The following SOCS5 variants were observed in gnomAD, a reference collection of about 807,000 sequenced individuals.
SOCS5 encodes the protein suppressor of cytokine signaling 5.
Under a neutral mutation model 42.8 loss-of-function variants are expected in SOCS5, and 32 were observed. The observed-to-expected ratio is 0.75, with a 90% CI of 0.56 to 1.01. The LOEUF (loss-of-function observed/expected upper bound fraction) is 1.01. Ranked by LOEUF, SOCS5 falls within the 50% of genes least tolerant of loss-of-function variation. SOCS5 has a pLI of 0.00. For synonymous variants in SOCS5, 283 were observed against 229.6 expected (o/e 1.23, Z -2.10); for missense variants, 627 against 653.0 (o/e 0.96, Z 0.43).
At position 46,758,537 on chromosome 2, in the gene SOCS5, A is replaced by G. The variant is rs1237983049; in HGVS notation, c.7A>G (p.Lys3Glu). MD[K>E]VGKMWNNFKY... ...TCTTTAGATTTTATAATCAATGGATAAAGTGGGAAAAATGTGGAATAACTT... is the reference window on the plus strand; with the variant it reads ...TCTTTAGATTTTATAATCAATGGATGAAGTGGGAAAAATGTGGAATAACTT... The change falls in exon 2 of 2, where the codon AAA becomes GAA. Residue 3 changes from lysine to glutamate, a missense_variant. Physicochemically the swap from Lys to Glu is moderately conservative, Grantham distance 56. Around this residue, in one of 3 missense-constraint regions of SOCS5, gnomAD observed 278 missense variants for 246.3 expected, o/e 1.13. Coordinates refer to ENST00000394861, the MANE Select transcript of SOCS5 (RefSeq NM_144949.3). 6.3e-7 allele frequency: 1 copy of G among 1,584,350 alleles called. No homozygotes were observed. Among genetic ancestry groups the G allele is most frequent in the Non-Finnish European group, 8.6e-7 (1 of 1,168,900 alleles).
chr2:46,742,471 T>C (rs1287912722), intron 1 of SOCS5, among the ~76,000 whole-genome samples: 1 of 152,138 alleles, frequency 6.6e-6, no homozygotes, highest in Non-Finnish European at 1.5e-5. Flanking sequence ...TCATGTCGTT[T>C]CCATATGTCA....
intron 1 of SOCS5, among the ~76,000 whole-genome samples, chr2:46,740,981 T>C (rs1172378125): frequency 6.6e-6 from 1 of 152,140 alleles, no homozygotes; most frequent in Non-Finnish European, 1.5e-5. Context: ...ATTAGTGATA[T>C]TACTTACCAC....
intron 1 of SOCS5, among the ~76,000 whole-genome samples, chr2:46,743,016 C>G (rs1035869646): frequency 3.9e-5 from 6 of 152,092 alleles, no homozygotes; most frequent in Admixed American, 2.0e-4. Flanking sequence ...CGATGAAATT[C>G]TTACCCATTC....
chr2:46,758,347 TC>T (rs1219983255), intron 1 of SOCS5, among the ~76,000 whole-genome samples, 171 bp from the exon 2 acceptor site: 2 of 152,316 alleles, frequency 1.3e-5, no homozygotes, highest in East Asian at 3.9e-4. Flanking sequence ...CCGGTGGCCT[TC>T]CTGCTGCCCA....
rs1035021876 is a variant in SOCS5 at position 46,761,491 on chromosome 2, A to G, written c.*1350A>G. The G allele has an allele frequency of 6.0e-6, 1 of 167,108 alleles. No individual in the cohort carries two copies. The highest frequency in any genetic ancestry group is 2.4e-5 in the African/African-American group (1 of 41,468). 10.4% of individuals were successfully genotyped at this position (167,108 alleles called of 1,614,324 possible). On this transcript the variant is annotated 3_prime_UTR_variant, in exon 2 of 2. Coordinates refer to ENST00000394861, the MANE Select transcript of SOCS5 (RefSeq NM_144949.3). Reference sequence around the variant, plus strand: ...CCTATGGCTATTGCCAAGGCTACAAAAAAGGAAAGCTATATTTGTATGCAA... The same window carrying G: ...CCTATGGCTATTGCCAAGGCTACAAGAAAGGAAAGCTATATTTGTATGCAA...
At chr2:46,745,666 T>G (rs1266438235) in intron 1 of SOCS5, among the ~76,000 whole-genome samples, 2 of 152,298 alleles carry the variant, frequency 1.3e-5, no homozygotes, top group South Asian at 4.1e-4. Context: ...TTGAGTTGCT[T>G]GTAGAGGAAG....
At chr2:46,714,700 C>T (rs891000101) in intron 1 of SOCS5, among the ~76,000 whole-genome samples, 1 of 152,170 alleles carries the variant, frequency 6.6e-6, no homozygotes, top group Non-Finnish European at 1.5e-5. Context: ...GCCATGCCCC[C>T]ATGCCAACCA....
rs759203329 is a variant in SOCS5 at position 46,727,144 on chromosome 2, C to CTTTTTTTTT, written c.-13+27709_-13+27717dup. On this transcript the variant is annotated intron_variant, in intron 1 of 1. Transcript: ENST00000394861. ...GAGTGTTTTCCCTTGTTGGAGCCTT[C>CTTTTTTTTT]TTTTTTTTTTTTTTTTTTTTTTGAA... 2.0e-3 allele frequency among the ~76,000 whole-genome samples: 176 copies of CTTTTTTTTT among 86,412 alleles called. 1 individual carries two copies. The highest frequency in any genetic ancestry group is 6.9e-3 in the African/African-American group (149 of 21,532). 56.7% of individuals were successfully genotyped at this position (86,412 alleles called of 152,430 possible).
intron 1 of SOCS5, among the ~76,000 whole-genome samples, chr2:46,719,206 A>T (rs1672824723): frequency 6.6e-6 from 1 of 152,198 alleles, no homozygotes. Flanking sequence ...TTCACAATAT[A>T]GTGAATGATA....
Position 46,759,756 on chromosome 2 carries a change from C to T in SOCS5, c.1226C>T (p.Ala409Val), listed in dbSNP as rs371477717. ...PEGTFLLRDS[A>V]QEDYLFSVSF... is the part of the protein sequence containing the mutation. ...GGCACGTTTTTGCTCAGGGACTCTGCGCAAGAGGACTACCTCTTCTCTGTG... is the reference window on the plus strand; with the variant it reads ...GGCACGTTTTTGCTCAGGGACTCTGTGCAAGAGGACTACCTCTTCTCTGTG... The change falls in exon 2 of 2, where the codon GCG becomes GTG. Residue 409 changes from alanine to valine, a missense_variant. By Grantham distance (64) the Ala-to-Val change is moderately conservative. Coordinates refer to ENST00000394861, the MANE Select transcript of SOCS5 (RefSeq NM_144949.3). 6 of 1,613,986 alleles carry T rather than the reference C, an allele frequency of 3.7e-6. No homozygotes were observed. Among genetic ancestry groups the T allele is most frequent in the South Asian group, 1.1e-5 (1 of 91,080 alleles).
At chr2:46,743,642 A>G (rs1184117628) in intron 1 of SOCS5, among the ~76,000 whole-genome samples, 5 of 152,182 alleles carry the variant, frequency 3.3e-5, no homozygotes, top group Non-Finnish European at 7.3e-5. Context: ...ATTTAGGAAT[A>G]CAGCCCAGTA....
chr2:46,721,022 T>C (rs183351076), intron 1 of SOCS5, among the ~76,000 whole-genome samples: 3 of 152,228 alleles, frequency 2.0e-5, no homozygotes, highest in East Asian at 3.9e-4. Flanking sequence ...AAATCAGAGG[T>C]GAATGAACAA....
intron 1 of SOCS5, among the ~76,000 whole-genome samples, chr2:46,739,181 T>C (rs1673315553): frequency 6.6e-6 from 1 of 152,164 alleles, no homozygotes; most frequent in South Asian, 2.1e-4. Context: ...TAGCAAAACA[T>C]ACATAACCAT....
At chr2:46,752,906 C>T (rs1572847438) in intron 1 of SOCS5, among the ~76,000 whole-genome samples, 1 of 152,204 alleles carries the variant, frequency 6.6e-6, no homozygotes, top group Admixed American at 6.5e-5. Context: ...CCTCATTTCC[C>T]ATTTTCAATT....
rs1391740734 is a variant in SOCS5, at chr2:46,761,885, A to G, written c.*1744A>G. The stretch of plus-strand genomic sequence containing the variant: ...AAACTGACAGAGAAGTAATAAACCT[A>G]TTGATTTCTCTGCTTATAAATGAAA... On this transcript the variant is annotated 3_prime_UTR_variant, in exon 2 of 2. Coordinates refer to ENST00000394861, the MANE Select transcript of SOCS5 (RefSeq NM_144949.3). 4.2e-5 allele frequency: 7 copies of G among 166,978 alleles called. No individual in the cohort carries two copies. Among genetic ancestry groups the G allele is most frequent in the Non-Finnish European group, 5.9e-5 (4 of 68,088 alleles). 10.3% of individuals were successfully genotyped at this position (166,978 alleles called of 1,614,324 possible).
At chr2:46,749,642 T>C (rs1319112801) in intron 1 of SOCS5, among the ~76,000 whole-genome samples, 1 of 152,336 alleles carries the variant, frequency 6.6e-6, no homozygotes, top group African/African-American at 2.4e-5. Flanking sequence ...GGTAGTGTTT[T>C]ATAGACTAAA....
chr2:46,700,747 TG>T (rs1463861198), intron 1 of SOCS5, among the ~76,000 whole-genome samples: 2 of 152,168 alleles, frequency 1.3e-5, no homozygotes, highest in African/African-American at 4.8e-5. Context: ...ACATAGAAAA[TG>T]CACACCGGGT....
intron 1 of SOCS5, among the ~76,000 whole-genome samples, chr2:46,758,110 A>C (rs1673768890): frequency 6.6e-6 from 1 of 152,270 alleles, no homozygotes; most frequent in South Asian, 2.1e-4. Flanking sequence ...AATGTGTTAC[A>C]CAAATGTTCT....
At chr2:46,704,676 CAGAA>C (rs1672422067) in intron 1 of SOCS5, among the ~76,000 whole-genome samples, 1 of 152,118 alleles carries the variant, frequency 6.6e-6, no homozygotes, top group African/African-American at 2.4e-5. Flanking sequence ...GTGACTAGAG[CAGAA>C]AGAATATCTT....
Sources: gnomAD v4.1 joint callset for allele counts (sites outside exome capture counted in the v4.1 genomes callset) on GRCh38, gnomAD v4.1.1 for gene constraint, gnomAD v4.1.1 regional missense constraint, MANE v1.5 for transcripts, NCBI Gene and HGNC (gene_info 2026-07-23, HGNC 2026-07-21) for gene names.